The following CTNNA2 variants were observed in gnomAD, a reference collection of about 807,000 sequenced individuals.
CTNNA2 encodes catenin alpha-2.
CTNNA2 carries 42 observed loss-of-function variants against 101.0 expected under a neutral mutation model. That is an observed-to-expected ratio of 0.42 (90% CI 0.32 to 0.54). CTNNA2 has a LOEUF of 0.54. Ranked by LOEUF, CTNNA2 falls within the 20% of genes least tolerant of loss-of-function variation. CTNNA2 has a pLI of 0.14. For missense variants in CTNNA2, 871 were observed against 1,223.1 expected, an observed-to-expected ratio of 0.71 and a Z score of 4.29; for synonymous variants, 450 against 456.4, an observed-to-expected ratio of 0.99 and a Z score of 0.18.
chr2:79,951,901 C>T (rs1022214379), intron 7 of CTNNA2, among the ~76,000 whole-genome samples: 2 of 152,126 alleles, frequency 1.3e-5, no homozygotes, highest in South Asian at 4.1e-4. Flanking sequence ...GGATCATTTT[C>T]TTTTGACAAT....
chr2:80,199,608 A>G (rs1438357234), intron 7 of CTNNA2, among the ~76,000 whole-genome samples: 1 of 152,216 alleles, frequency 6.6e-6, no homozygotes, highest in African/African-American at 2.4e-5. Context: ...AGTACATTTC[A>G]AAGGAGAAAG....
intron 7 of CTNNA2, among the ~76,000 whole-genome samples, chr2:80,279,049 CGTGTGTGTGTGT>C (rs3219982): frequency 3.7e-5 from 5 of 135,732 alleles, no homozygotes; most frequent in Admixed American, 7.4e-5. Flanking sequence ...ATGACTTTTA[CGTGTGTGTGTGT>C]GTGTGTGTGT....
At chr2:80,168,545 C>G (rs1704841529) in intron 7 of CTNNA2, among the ~76,000 whole-genome samples, 1 of 152,084 alleles carries the variant, frequency 6.6e-6, no homozygotes, top group South Asian at 2.1e-4. Flanking sequence ...TATTCTCACT[C>G]TCACCCCTAA....
At position 79,870,522 on chromosome 2, in the gene CTNNA2, G is replaced by A. The variant is rs538333463; in HGVS notation, c.585+587G>A. ...AGGGGTGAGAAGAGTGCAGGTGAGC[G>A]TGAGTCACTCTCATGATGCTGTGTG... On this transcript the variant is annotated intron_variant, in intron 5 of 18. Coordinates refer to ENST00000402739, the MANE Select transcript of CTNNA2 (RefSeq NM_001282597.3). Among the ~76,000 whole-genome samples, 25 of 152,210 alleles carry A rather than the reference G, an allele frequency of 1.6e-4. No individual in the cohort carries two copies. The East Asian group carries it at 2.9e-3, about 18-fold the overall frequency.
chr2:80,363,662 A>G (rs1007946461), intron 7 of CTNNA2, among the ~76,000 whole-genome samples: 8 of 152,198 alleles, frequency 5.3e-5, no homozygotes, highest in Non-Finnish European at 8.8e-5. Context: ...TGGTGCGTGC[A>G]TATGGGTAGC....
chr2:80,429,389 G>A (rs1317211419), intron 9 of CTNNA2, among the ~76,000 whole-genome samples: 1 of 152,122 alleles, frequency 6.6e-6, no homozygotes, highest in South Asian at 2.1e-4. Flanking sequence ...ATGTCACATA[G>A]CTAGAAAGAG....
chr2:80,227,755 A>G (rs978337641), intron 7 of CTNNA2, among the ~76,000 whole-genome samples: 1 of 152,136 alleles, frequency 6.6e-6, no homozygotes, highest in Non-Finnish European at 1.5e-5. Flanking sequence ...CATAGTGAAG[A>G]TGACATTTAT....
chr2:79,735,033 C>T (rs1193797967), intron 2 of CTNNA2, among the ~76,000 whole-genome samples: 1 of 152,056 alleles, frequency 6.6e-6, no homozygotes, highest in Non-Finnish European at 1.5e-5. Flanking sequence ...TTCTTCTCTC[C>T]TGGCTTATCT....
At chr2:80,216,676 C>T (rs2149046300) in intron 7 of CTNNA2, among the ~76,000 whole-genome samples, 1 of 152,302 alleles carries the variant, frequency 6.6e-6, no homozygotes, top group East Asian at 1.9e-4. Context: ...GCACTCCAGT[C>T]TTGGGCTTCC....
intron 12 of CTNNA2, among the ~76,000 whole-genome samples, chr2:80,557,115 A>G (rs1016751415): frequency 2.0e-5 from 3 of 152,216 alleles, no homozygotes; most frequent in Middle Eastern, 6.3e-3. Flanking sequence ...CAGAAACAGA[A>G]TAGTGTGGTA....
At chr2:79,941,701 C>T (rs769084429) in intron 7 of CTNNA2, among the ~76,000 whole-genome samples, 8 of 152,162 alleles carry the variant, frequency 5.3e-5, no homozygotes, top group Non-Finnish European at 1.0e-4. Flanking sequence ...TCACTGCAAC[C>T]TCCACCTCCC....
intron 7 of CTNNA2, among the ~76,000 whole-genome samples, chr2:80,102,815 G>A (rs532224450): frequency 1.3e-5 from 2 of 152,200 alleles, no homozygotes; most frequent in African/African-American, 4.8e-5. Context: ...CCCTGCCCTA[G>A]TCCACTAAAT....
chr2:80,303,108 G>A lies in CTNNA2; in HGVS notation c.1057-90103G>A. ...GCCACCTTGTTCCTCCGCAGGCAGA[G>A]CGAGTGCAGGGAGATGAGGCGCGGG... On this transcript the variant is annotated intron_variant, in intron 7 of 18. Transcript: ENST00000402739. This position sits in a 1 kb window ranked among gnomAD's most constrained non-coding sequence, Gnocchi z 7.7. 1 of 1,614,144 alleles carries A rather than the reference G, an allele frequency of 6.2e-7. No individual in the cohort carries two copies. The highest frequency in any genetic ancestry group is 8.5e-7 in the Non-Finnish European group (1 of 1,180,042).
chr2:80,233,821 G>A (rs1459100822), intron 7 of CTNNA2, among the ~76,000 whole-genome samples: 1 of 152,116 alleles, frequency 6.6e-6, no homozygotes, highest in African/African-American at 2.4e-5. Flanking sequence ...TAGACTTTGG[G>A]TTAATAGCTT....
chr2:80,450,042 A>G (rs1370835514), intron 9 of CTNNA2, among the ~76,000 whole-genome samples: 1 of 152,220 alleles, frequency 6.6e-6, no homozygotes, highest in African/African-American at 2.4e-5. Context: ...TCTTCTCTTA[A>G]TGCAAAGCTA....
At chr2:80,616,773 T>C (rs1698889186) in intron 17 of CTNNA2, among the ~76,000 whole-genome samples, 1 of 151,730 alleles carries the variant, frequency 6.6e-6, no homozygotes, top group South Asian at 2.1e-4. Context: ...TATCTGATCC[T>C]GGCATTGCAT....
intron 7 of CTNNA2, among the ~76,000 whole-genome samples, chr2:80,270,097 T>C (rs1358212297): frequency 6.6e-6 from 1 of 152,202 alleles, no homozygotes; most frequent in Non-Finnish European, 1.5e-5. Context: ...TGTATTTACA[T>C]ATGAAGGTGA....
intron 3 of CTNNA2, among the ~76,000 whole-genome samples, chr2:79,768,470 G>C (rs566527049): frequency 6.6e-6 from 1 of 151,516 alleles, no homozygotes. Flanking sequence ...ATTGGTATCC[G>C]TGGCAGGGGT....
At chr2:79,997,740 G>A (rs1329431185) in intron 7 of CTNNA2, among the ~76,000 whole-genome samples, 2 of 152,120 alleles carry the variant, frequency 1.3e-5, no homozygotes, top group Non-Finnish European at 2.9e-5. Context: ...CTCCTCTTCT[G>A]TGCTTATAAA....
Sources: gnomAD v4.1 joint callset for allele counts (sites outside exome capture counted in the v4.1 genomes callset) on GRCh38, gnomAD v4.1.1 for gene constraint, Gnocchi (gnomAD v3.1) non-coding constraint, MANE v1.5 for transcripts, NCBI Gene and HGNC (gene_info 2026-07-23, HGNC 2026-07-21) for gene names.